SLC9C2: variants seen among roughly 807,000 people sequenced by gnomAD.
The protein encoded by SLC9C2 is solute carrier family 9 member C2 (putative), also known as sodium/hydrogen exchanger 11.
In SLC9C2, 75 loss-of-function variants were observed where a neutral mutation model predicts 140.2. The observed-to-expected ratio is 0.53, with a 90% CI of 0.44 to 0.65. The LOEUF (loss-of-function observed/expected upper bound fraction) is 0.65, where lower values mean the gene tolerates loss of function less well. Ranked by LOEUF, SLC9C2 falls within the 30% of genes least tolerant of loss-of-function variation. The pLI is 0.00. For synonymous variants in SLC9C2, 375 were observed against 420.9 expected (o/e 0.89, Z 1.34); for missense variants, 1,074 against 1,331.8 (o/e 0.81, Z 3.01).
intron 8 of SLC9C2, among the ~76,000 whole-genome samples, chr1:173,575,815 T>A (rs1665144279): frequency 6.6e-6 from 1 of 152,172 alleles, no homozygotes; most frequent in African/African-American, 2.4e-5. Flanking sequence ...CCTGACCTCG[T>A]GATCCGCCTG....
At chr1:173,530,279 C>T (rs1340196349) in intron 17 of SLC9C2, among the ~76,000 whole-genome samples, 8 of 152,128 alleles carry the variant, frequency 5.3e-5, no homozygotes, top group Non-Finnish European at 1.2e-4. Context: ...GATTCTGTGC[C>T]TACAAAAGTC....
chr1:173,556,764 A>AAATAAT (rs57193782), intron 10 of SLC9C2, among the ~76,000 whole-genome samples: 1 of 151,192 alleles, frequency 6.6e-6, no homozygotes, highest in African/African-American at 2.4e-5. Context: ...TAAAAATAAC[A>AAATAAT]AATAATAATA....
chr1:173,537,336 G>C (rs1371143836), intron 13 of SLC9C2, among the ~76,000 whole-genome samples: 2 of 152,046 alleles, frequency 1.3e-5, no homozygotes, highest in African/African-American at 2.4e-5. Context: ...CAAGGCAGGG[G>C]GATCACTTGA....
intron 21 of SLC9C2, among the ~76,000 whole-genome samples, chr1:173,521,943 TA>T (rs1660858566): frequency 6.8e-6 from 1 of 148,014 alleles, no homozygotes; most frequent in Non-Finnish European, 1.5e-5. Context: ...CTTACGCCTG[TA>T]ATCCCAGCAC....
chr1:173,578,416 T>C (rs1450314892), intron 7 of SLC9C2, among the ~76,000 whole-genome samples: 3 of 152,248 alleles, frequency 2.0e-5, no homozygotes, highest in African/African-American at 7.2e-5. Context: ...TTTCCGGCTA[T>C]GGAACATCTC....
intron 10 of SLC9C2, among the ~76,000 whole-genome samples, chr1:173,556,142 G>C: frequency 6.6e-6 from 1 of 152,188 alleles, no homozygotes; most frequent in South Asian, 2.1e-4. Context: ...CCCAGAAACA[G>C]ATCTGGGGTT....
At chr1:173,503,558 G>C (rs1407260593) in intron 26 of SLC9C2, among the ~76,000 whole-genome samples, 2 of 152,118 alleles carry the variant, frequency 1.3e-5, no homozygotes, top group East Asian at 3.9e-4. Context: ...GTAAACAGTT[G>C]AAGTGGGCGG....
chr1:173,524,273 T>C (rs1244834004), intron 20 of SLC9C2, among the ~76,000 whole-genome samples, 179 bp from the exon 21 acceptor site: 2 of 152,176 alleles, frequency 1.3e-5, no homozygotes, highest in African/African-American at 4.8e-5. Context: ...AGTCTCCCCT[T>C]ATTACTATTT....
intron 23 of SLC9C2, among the ~76,000 whole-genome samples, chr1:173,516,430 C>G (rs907856957): frequency 6.6e-6 from 1 of 150,694 alleles, no homozygotes; most frequent in African/African-American, 2.5e-5. Context: ...AGCCTAGTAC[C>G]CGTAGTTATT....
chr1:173,512,065 T>C (rs1365830008), intron 23 of SLC9C2, among the ~76,000 whole-genome samples: 1 of 152,236 alleles, frequency 6.6e-6, no homozygotes, highest in Admixed American at 6.5e-5. Flanking sequence ...CCTTGTGGTA[T>C]AGTTTGAAGT....
chr1:173,506,958 A>G lies in SLC9C2; in HGVS notation c.3123T>C (p.Asn1041=). ...LSSYSDMIID[N]MTMKFVIIVY... ...CAATGATAACAAATTTCATGGTCATATTATCAATAATCATGTCACTATAGC... is the reference window on the plus strand; with the variant it reads ...CAATGATAACAAATTTCATGGTCATGTTATCAATAATCATGTCACTATAGC... The change falls in exon 25 of 28, where the codon AAT becomes AAC. Residue 1041 remains asparagine (N), a synonymous_variant. Transcript: ENST00000367714. 6.2e-7 allele frequency: 1 copy of G among 1,613,434 alleles called. No individual in the cohort carries two copies. The highest frequency in any genetic ancestry group is 8.5e-7 in the Non-Finnish European group (1 of 1,179,594).
chr1:173,602,194 T>C lies in SLC9C2; in HGVS notation c.-79-339A>G, dbSNP rs1571655471. ...CGAACTTTCCTTAAGGCTGTGCACA[T>C]AGCATGTGGCACGAGATAGGCTGTC... is the stretch of plus-strand genomic sequence containing the variant. On this transcript the variant is annotated intron_variant, in intron 1 of 27. Coordinates refer to ENST00000367714, the MANE Select transcript of SLC9C2 (RefSeq NM_178527.4). Among the ~76,000 whole-genome samples, 3 of 152,112 alleles carry C rather than the reference T, an allele frequency of 2.0e-5. No homozygotes were observed. The East Asian group carries it at 5.8e-4, about 29-fold the overall frequency.
intron 11 of SLC9C2, among the ~76,000 whole-genome samples, chr1:173,551,406 A>T (rs961129707): frequency 1.4e-4 from 21 of 152,144 alleles, no homozygotes; most frequent in African/African-American, 4.8e-4. Context: ...GGCATGCCTT[A>T]TCTCATTGTG....
intron 11 of SLC9C2, among the ~76,000 whole-genome samples, chr1:173,548,813 C>G (rs1006118111): frequency 6.6e-6 from 1 of 152,198 alleles, no homozygotes; most frequent in Admixed American, 6.5e-5. Context: ...TAGCTAAAGA[C>G]ATGACTACTT....
At chr1:173,505,852 T>C (rs1659600059) in intron 25 of SLC9C2, among the ~76,000 whole-genome samples, 1 of 152,130 alleles carries the variant, frequency 6.6e-6, no homozygotes, top group Non-Finnish European at 1.5e-5. Flanking sequence ...TATCTTACCA[T>C]GAAGGAAATT....
At chr1:173,548,632 T>C in intron 11 of SLC9C2, 80 bp from the exon 12 acceptor site, 3 of 1,504,194 alleles carry the variant, frequency 2.0e-6, no homozygotes, top group African/African-American at 1.4e-5. Context: ...TGCATGATCA[T>C]GTAGTGAAAT....
chr1:173,518,040 C>T (rs1212477594), intron 22 of SLC9C2, among the ~76,000 whole-genome samples: 1 of 152,142 alleles, frequency 6.6e-6, no homozygotes, highest in African/African-American at 2.4e-5. Flanking sequence ...GCGGGCGGAT[C>T]ACAAGATCAA....
At chr1:173,530,123 A>G in intron 17 of SLC9C2, 69 bp from the exon 18 acceptor site, 1 of 1,404,856 alleles carries the variant, frequency 7.1e-7, no homozygotes, top group Non-Finnish European at 9.6e-7. Flanking sequence ...TGAGGCAGAA[A>G]TTCATAAAGT....
chr1:173,521,612 C>T (rs1194934332), intron 21 of SLC9C2, among the ~76,000 whole-genome samples: 1 of 150,600 alleles, frequency 6.6e-6, no homozygotes, highest in Non-Finnish European at 1.5e-5. Flanking sequence ...TGAACTGTAA[C>T]GTGCTAATAT....
Sources: gnomAD v4.1 joint callset for allele counts (sites outside exome capture counted in the v4.1 genomes callset) on GRCh38, gnomAD v4.1.1 for gene constraint, MANE v1.5 for transcripts, NCBI Gene and HGNC (gene_info 2026-07-23, HGNC 2026-07-21) for gene names.